TLN2: variants seen among roughly 807,000 people sequenced by gnomAD.
TLN2 encodes the protein talin-2.
TLN2 carries 118 observed loss-of-function variants against 294.7 expected under a neutral mutation model. The ratio of observed to expected loss-of-function variants is 0.40; its 90% CI spans 0.34 to 0.47. The LOEUF (loss-of-function observed/expected upper bound fraction) is 0.47, where lower values mean the gene tolerates loss of function less well. Among genes scored for constraint, TLN2 ranks in the 20% least tolerant of loss-of-function variants. The probability of loss-of-function intolerance (pLI) is 0.84; values close to 1 mark genes in which losing one functional copy is unlikely to be tolerated. For synonymous variants in TLN2, 1,431 were observed against 1,304.5 expected, an observed-to-expected ratio of 1.10 and a Z score of -2.09; for missense variants, 3,083 against 3,282.2, an observed-to-expected ratio of 0.94 and a Z score of 1.48.
intron 55 of TLN2, 139 bp downstream of exon 55, chr15:62,833,768 C>G (rs1192112138): frequency 5.6e-6 from 7 of 1,251,880 alleles, no homozygotes; most frequent in African/African-American, 4.6e-5. Flanking sequence ...ACTCTCTGTG[C>G]TGACCGACTG....
chr15:62,762,352 C>A lies in TLN2; in HGVS notation c.4860C>A (p.Arg1620=). 1 of 1,614,222 alleles carries A rather than the reference C, an allele frequency of 6.2e-7. No homozygotes were observed. Among genetic ancestry groups the A allele is most frequent in the South Asian group, 1.1e-5 (1 of 91,084 alleles). The change falls in exon 39 of 59, where the codon CGC becomes CGA. Residue 1620 remains arginine, a synonymous_variant. Transcript: ENST00000636159. The stretch of plus-strand genomic sequence containing the variant: ...CATCGTACCTCATTCGCACTGCACG[C>A]TCTCTGGCCATCAACCCCAAAGACC... The part of the protein sequence containing the change: ...ESSSYLIRTA[R]SLAINPKDPP...
At chr15:62,533,652 A>AC (rs753160116) in intron 1 of TLN2, among the ~76,000 whole-genome samples, 2 of 151,958 alleles carry the variant, frequency 1.3e-5, no homozygotes, top group Non-Finnish European at 2.9e-5. Context: ...AGTGAAATTT[A>AC]CCCCCCATAA....
chr15:62,756,232 A>G (rs1379168924), intron 37 of TLN2, among the ~76,000 whole-genome samples: 2 of 152,182 alleles, frequency 1.3e-5, no homozygotes, highest in African/African-American at 4.8e-5. Flanking sequence ...TGGAGCGTCA[A>G]CTTTTAAAAA....
At chr15:62,783,262 T>G (rs1175538484) in intron 44 of TLN2, among the ~76,000 whole-genome samples, 2 of 152,250 alleles carry the variant, frequency 1.3e-5, no homozygotes, top group African/African-American at 2.4e-5. Context: ...AACAGCCCTG[T>G]CCTCATGCCC....
intron 2 of TLN2, among the ~76,000 whole-genome samples, chr15:62,610,400 T>A (rs1176647594): frequency 2.0e-5 from 3 of 152,256 alleles, no homozygotes; most frequent in Non-Finnish European, 4.4e-5. Flanking sequence ...TGTTTCTATT[T>A]AAAGATACCT....
rs375952826 is a variant in TLN2 at position 62,698,884 on chromosome 15, G to C, written c.1587+17G>C. The C allele has an allele frequency of 2.7e-4, 436 of 1,605,976 alleles. 1 individual carries two copies. Among genetic ancestry groups the C allele is most frequent in the Admixed American group, 3.4e-4 (20 of 59,552 alleles). On this transcript the variant is annotated intron_variant, in intron 16 of 58. Coordinates refer to ENST00000636159, the MANE Select transcript of TLN2 (RefSeq NM_015059.3). ...CAGGATATGGTAAATACTGTTCAGT[G>C]GTTTTCATGCCAAGTCTCTGCCCTG...
At chr15:62,505,134 T>A (rs991970015) in intron 1 of TLN2, among the ~76,000 whole-genome samples, 3 of 151,988 alleles carry the variant, frequency 2.0e-5, no homozygotes, top group African/African-American at 7.3e-5. Flanking sequence ...TTTTTTTGTA[T>A]TTTTAGTAGA....
intron 1 of TLN2, among the ~76,000 whole-genome samples, chr15:62,465,101 C>T (rs534915271): frequency 8.9e-6 from 1 of 112,636 alleles, no homozygotes; most frequent in South Asian, 3.2e-4. Context: ...TTGTGGTGAG[C>T]GCGTTTTTTT....
chr15:62,725,626 A>G (rs1163860810), intron 27 of TLN2, among the ~76,000 whole-genome samples: 1 of 152,196 alleles, frequency 6.6e-6, no homozygotes, highest in East Asian at 1.9e-4. Context: ...ACATGACTGA[A>G]CATTGCTAGT....
chr15:62,505,673 C>T (rs2039577705), intron 1 of TLN2, among the ~76,000 whole-genome samples: 1 of 152,178 alleles, frequency 6.6e-6, no homozygotes, highest in African/African-American at 2.4e-5. Flanking sequence ...AATTTCAAGT[C>T]AATCTCCCTC....
chr15:62,719,132 A>G (rs1301919354), intron 24 of TLN2, among the ~76,000 whole-genome samples: 1 of 152,182 alleles, frequency 6.6e-6, no homozygotes, highest in Non-Finnish European at 1.5e-5. Context: ...CAGGGACAGA[A>G]CACAGAGAAA....
chr15:62,652,478 C>T (rs1175942585), intron 6 of TLN2, among the ~76,000 whole-genome samples: 2 of 152,304 alleles, frequency 1.3e-5, no homozygotes, highest in South Asian at 2.1e-4. Context: ...CGATGACAGC[C>T]CACATGATTA....
chr15:62,503,672 A>G lies in TLN2; in HGVS notation c.-237-86015A>G, dbSNP rs375684064. Among the ~76,000 whole-genome samples the G allele has an allele frequency of 2.4e-4, 36 of 152,160 alleles. No homozygotes were observed. In the South Asian group the frequency reaches 3.7e-3, roughly 16 times the overall value. ...GGACCTCCTGCAGTATGCTTGCCCC[A>G]TTTCCTCTCTTGGCTCTTTGCCAGC... On this transcript the variant is annotated intron_variant, in intron 1 of 58. Coordinates refer to ENST00000636159, the MANE Select transcript of TLN2 (RefSeq NM_015059.3).
At chr15:62,775,353 C>G (rs1595950345) in intron 42 of TLN2, among the ~76,000 whole-genome samples, 1 of 152,254 alleles carries the variant, frequency 6.6e-6, no homozygotes, top group East Asian at 1.9e-4. Flanking sequence ...AGAGGTATCA[C>G]CTTTCACACT....
At position 62,708,522 on chromosome 15, in the gene TLN2, C is replaced by G; in HGVS notation, c.2193C>G (p.Ser731Arg). 1.2e-6 allele frequency: 2 copies of G among 1,613,846 alleles called. No individual in the cohort carries two copies. The highest frequency in any genetic ancestry group is 1.7e-6 in the Non-Finnish European group (2 of 1,179,780). The part of the protein sequence containing the change: ...ACAKVVSPTI[S>R]SPVCQEQLIE... ...TTCAGGTTGTGAGCCCCACTATTAG[C>G]TCCCCTGTGTGCCAGGAGCAGCTGA... Residue 731 changes from serine to arginine, a missense_variant, in exon 21 of 59, where the codon AGC becomes AGG. Physicochemically the swap from Ser to Arg is moderately radical, Grantham distance 110. Coordinates refer to ENST00000636159, the MANE Select transcript of TLN2 (RefSeq NM_015059.3).
Position 62,655,944 on chromosome 15 carries a change from T to G in TLN2, c.518T>G (p.Leu173Arg), listed in dbSNP as rs750586990. ...LKAKLHTDDD[L>R]NWLDHSRTFR... ...TCTTATATGTCTTGTTGTGTTGCAG[T>G]AAATTGGCTGGATCACAGCCGAACA... is the stretch of plus-strand genomic sequence containing the variant. Residue 173 changes from leucine to arginine, a missense_variant and splice_region_variant, in exon 8 of 59, where the codon CTA (leucine) becomes CGA (arginine). Transcript: ENST00000636159. The G allele has an allele frequency of 6.2e-7, 1 of 1,614,170 alleles. No homozygotes were observed. Among genetic ancestry groups the G allele is most frequent in the South Asian group, 1.1e-5 (1 of 91,074 alleles).
chr15:62,574,988 TG>T (rs2044264125), intron 1 of TLN2, among the ~76,000 whole-genome samples: 1 of 152,168 alleles, frequency 6.6e-6, no homozygotes, highest in Non-Finnish European at 1.5e-5. Context: ...TTGACTTAGA[TG>T]AGTGCTTCTG....
At chr15:62,463,100 C>G (rs2036905677) in intron 1 of TLN2, among the ~76,000 whole-genome samples, 1 of 152,128 alleles carries the variant, frequency 6.6e-6, no homozygotes, top group Admixed American at 6.5e-5. Flanking sequence ...TTCTGAACTT[C>G]TTTGGATGTT....
At chr15:62,404,351 A>G (rs1410785165) in intron 1 of TLN2, among the ~76,000 whole-genome samples, 1 of 152,126 alleles carries the variant, frequency 6.6e-6, no homozygotes, top group East Asian at 1.9e-4. Flanking sequence ...AAGATGATAA[A>G]TGGACTTGTC....
Sources: gnomAD v4.1 joint callset for allele counts (sites outside exome capture counted in the v4.1 genomes callset) on GRCh38, gnomAD v4.1.1 for gene constraint, MANE v1.5 for transcripts, NCBI Gene and HGNC (gene_info 2026-07-23, HGNC 2026-07-21) for gene names.